The following TTC28 variants were observed in gnomAD, a reference collection of about 807,000 sequenced individuals.
TTC28 encodes the protein tetratricopeptide repeat domain 28, also known as tetratricopeptide repeat protein 28.
A neutral mutation model predicts 198.0 loss-of-function variants in TTC28; 61 were observed. The observed-to-expected ratio is 0.31, with a 90% CI of 0.25 to 0.38. TTC28 has a LOEUF of 0.38. TTC28 is among the 10% of genes least tolerant of loss of function. The probability of loss-of-function intolerance (pLI) is 1.00; values close to 1 mark genes in which losing one functional copy is unlikely to be tolerated. For missense variants in TTC28, 2,678 were observed against 3,164.0 expected, an observed-to-expected ratio of 0.85 and a Z score of 3.69; for synonymous variants, 1,171 against 1,297.8, an observed-to-expected ratio of 0.90 and a Z score of 2.10.
chr22:28,610,823 G>GA (rs1569058420), intron 2 of TTC28, among the ~76,000 whole-genome samples: 1 of 151,974 alleles, frequency 6.6e-6, no homozygotes, highest in African/African-American at 2.4e-5. Flanking sequence ...TAAGAACCTT[G>GA]AAAAAAGGTC....
intron 2 of TTC28, among the ~76,000 whole-genome samples, chr22:28,558,583 G>A (rs768904255): frequency 1.4e-4 from 21 of 152,316 alleles, no homozygotes; most frequent in Non-Finnish European, 2.2e-4. Flanking sequence ...GCTGAGGCAG[G>A]AGAATCGCTT....
In TTC28 at chr22:28,634,521, A is replaced by G. The variant is rs527424986; in HGVS notation, c.103-4691T>C. Reference sequence around the variant, plus strand: ...ACTCCATCTCAAAAAAAAAAAAAAAAAAAGAAACGGAAATTTCTATGTATG... The same window carrying G: ...ACTCCATCTCAAAAAAAAAAAAAAAGAAAGAAACGGAAATTTCTATGTATG... On this transcript the variant is annotated intron_variant, in intron 1 of 22. Coordinates refer to ENST00000397906, the MANE Select transcript of TTC28 (RefSeq NM_001145418.2). 2.2e-3 allele frequency among the ~76,000 whole-genome samples: 332 copies of G among 151,970 alleles called. 2 individuals are homozygous for G. Among genetic ancestry groups the G allele is most frequent in the South Asian group, 0.01 (49 of 4,814 alleles).
intron 2 of TTC28, among the ~76,000 whole-genome samples, chr22:28,613,747 C>A (rs1158650315): frequency 1.3e-5 from 2 of 152,174 alleles, no homozygotes; most frequent in Non-Finnish European, 2.9e-5. Context: ...TTCAACACTC[C>A]TTCATGATAA....
At chr22:28,662,532 A>AAT (rs1385053583) in intron 1 of TTC28, among the ~76,000 whole-genome samples, 1 of 152,202 alleles carries the variant, frequency 6.6e-6, no homozygotes, top group Non-Finnish European at 1.5e-5. Flanking sequence ...TAAATTAGTT[A>AAT]ATATATGTAA....
At chr22:28,560,168 A>C (rs1367358888) in intron 2 of TTC28, among the ~76,000 whole-genome samples, 1 of 152,164 alleles carries the variant, frequency 6.6e-6, no homozygotes, top group African/African-American at 2.4e-5. Flanking sequence ...CCCAAATTCA[A>C]ATCCCTCCAA....
chr22:28,379,060 C>T (rs1035386689), intron 2 of TTC28, among the ~76,000 whole-genome samples: 1 of 151,958 alleles, frequency 6.6e-6, no homozygotes, highest in African/African-American at 2.4e-5. Flanking sequence ...AAAATGACAG[C>T]TAACTTCTCA....
Position 28,257,779 on chromosome 22 carries a change from T to TATATATATATATA in TTC28, c.933+38418_933+38419insTATATATATATAT, listed in dbSNP as rs1931050344. Among the ~76,000 whole-genome samples, 4 of 120,548 alleles carry TATATATATATATA rather than the reference T, an allele frequency of 3.3e-5. 1 individual carries two copies. In the South Asian group the frequency reaches 1.1e-3, roughly 32 times the overall value. The allele number at this position is 120,548 out of a possible 152,430, so 79.1% of individuals were successfully genotyped here. On this transcript the variant is annotated intron_variant, in intron 5 of 22. Transcript: ENST00000397906. ...ATATATATATATATATATATATATA[T>TATATATATATATA]ATCTTCTACTTCAATAAAAAATAAA... is the stretch of plus-strand genomic sequence containing the variant.
intron 5 of TTC28, among the ~76,000 whole-genome samples, chr22:28,272,382 T>C (rs1414868057): frequency 1.3e-5 from 2 of 152,164 alleles, no homozygotes; most frequent in East Asian, 3.9e-4. Context: ...TAAAAGCCAA[T>C]GGACTACAAA....
At chr22:28,597,911 C>G (rs2050568801) in intron 2 of TTC28, among the ~76,000 whole-genome samples, 1 of 152,018 alleles carries the variant, frequency 6.6e-6, no homozygotes, top group Non-Finnish European at 1.5e-5. Context: ...CCTACCTCAG[C>G]CTTCCAAGTA....
At chr22:28,118,120 C>T (rs929116546) in intron 6 of TTC28, among the ~76,000 whole-genome samples, 2 of 152,086 alleles carry the variant, frequency 1.3e-5, no homozygotes, top group African/African-American at 4.8e-5. Context: ...AATTATGGGC[C>T]AGGAGCGGTG....
At chr22:28,514,132 T>C (rs2048738555) in intron 2 of TTC28, among the ~76,000 whole-genome samples, 1 of 152,204 alleles carries the variant, frequency 6.6e-6, no homozygotes, top group South Asian at 2.1e-4. Context: ...TGTATTCTTC[T>C]ACTCTATCTT....
chr22:28,226,643 G>A (rs940982340), intron 5 of TTC28, among the ~76,000 whole-genome samples: 1 of 152,120 alleles, frequency 6.6e-6, no homozygotes, highest in African/African-American at 2.4e-5. Context: ...GGCCAGGCTG[G>A]TTTTTAACTC....
At chr22:28,046,132 G>A (rs560636092) in intron 12 of TTC28, among the ~76,000 whole-genome samples, 55 of 152,334 alleles carry the variant, frequency 3.6e-4, no homozygotes, top group Admixed American at 7.2e-4. Flanking sequence ...AGCAATGTGT[G>A]TTGTCCTTAG....
intron 2 of TTC28, among the ~76,000 whole-genome samples, chr22:28,471,669 A>T (rs947807933): frequency 1.3e-5 from 2 of 152,184 alleles, no homozygotes; most frequent in Non-Finnish European, 2.9e-5. Context: ...ATACTCTGAA[A>T]TGATCAAATA....
chr22:28,297,553 C>T, intron 4 of TTC28, 27 bp downstream of exon 4: 1 of 1,537,450 alleles, frequency 6.5e-7, no homozygotes, highest in Non-Finnish European at 8.8e-7. Flanking sequence ...TCCCTTTCTG[C>T]ACTGAAATAG....
At chr22:28,579,000 T>C (rs2050191032) in intron 2 of TTC28, among the ~76,000 whole-genome samples, 1 of 151,984 alleles carries the variant, frequency 6.6e-6, no homozygotes, top group South Asian at 2.1e-4. Flanking sequence ...TGGGCAAACA[T>C]ATATATGCAA....
intron 2 of TTC28, among the ~76,000 whole-genome samples, chr22:28,464,879 G>A (rs1369103430): frequency 1.3e-5 from 2 of 152,160 alleles, no homozygotes; most frequent in African/African-American, 2.4e-5. Context: ...ACAGAAGGAA[G>A]CAATACTCCT....
At chr22:27,998,263 A>C in intron 16 of TTC28, 5 of 521,366 alleles carry the variant, frequency 9.6e-6, no homozygotes, top group East Asian at 6.6e-5. Flanking sequence ...GTGCCATGGA[A>C]TGGGTCATCC....
At chr22:28,549,067 A>G (rs2049603256) in intron 2 of TTC28, among the ~76,000 whole-genome samples, 1 of 151,108 alleles carries the variant, frequency 6.6e-6, no homozygotes, top group Non-Finnish European at 1.5e-5. Context: ...TCGCTCTGTC[A>G]CCCAGGCTGG....
Sources: gnomAD v4.1 joint callset for allele counts (sites outside exome capture counted in the v4.1 genomes callset) on GRCh38, gnomAD v4.1.1 for gene constraint, MANE v1.5 for transcripts, NCBI Gene and HGNC (gene_info 2026-07-23, HGNC 2026-07-21) for gene names.